The following FGD4 variants were observed in gnomAD, a reference collection of about 807,000 sequenced individuals.
FGD4 encodes FYVE, RhoGEF and PH domain containing 4, also known as FYVE, RhoGEF and PH domain-containing protein 4.
Under a neutral mutation model 102.0 loss-of-function variants are expected in FGD4, and 42 were observed. The ratio of observed to expected loss-of-function variants is 0.41; its 90% CI spans 0.32 to 0.53. The LOEUF (loss-of-function observed/expected upper bound fraction) is 0.53, where lower values mean the gene tolerates loss of function less well. FGD4 is among the 20% of genes least tolerant of loss of function. FGD4 has a pLI of 0.21. For missense variants in FGD4, 902 were observed against 1,078.2 expected (o/e 0.84, Z 2.29); for synonymous variants, 380 against 375.7 (o/e 1.01, Z -0.13).
chr12:32,514,662 C>G (rs1939715678), intron 1 of FGD4, among the ~76,000 whole-genome samples: 2 of 151,856 alleles, frequency 1.3e-5, no homozygotes, highest in South Asian at 4.2e-4. Flanking sequence ...CAAGTGTACA[C>G]CATCATGCCT....
intron 4 of FGD4, among the ~76,000 whole-genome samples, chr12:32,594,235 C>T (rs534409042): frequency 1.3e-5 from 2 of 152,256 alleles, no homozygotes; most frequent in South Asian, 4.1e-4. Context: ...CCATCACTCA[C>T]GTTACCATCT....
intron 2 of FGD4, among the ~76,000 whole-genome samples, chr12:32,573,959 A>C (rs1351042259): frequency 2.0e-5 from 3 of 152,204 alleles, no homozygotes; most frequent in African/African-American, 7.2e-5. Context: ...AGGAAAAAAA[A>C]CCTTTAAATT....
intron 1 of FGD4, among the ~76,000 whole-genome samples, chr12:32,482,121 A>G (rs1943784296): frequency 6.6e-6 from 1 of 152,244 alleles, no homozygotes; most frequent in Non-Finnish European, 1.5e-5. Flanking sequence ...ATTTTTTAAA[A>G]AAGTGCCGTG....
chr12:32,444,093 T>C lies in FGD4; in HGVS notation c.166+44134T>C, dbSNP rs1225832207. Among the ~76,000 whole-genome samples, 3 of 149,772 alleles carry C rather than the reference T, an allele frequency of 2.0e-5. No homozygotes were observed. The East Asian group carries it at 6.1e-4, about 30-fold the overall frequency. ...AAGCTGGAGTACAGTGGTGCCATCATGGCTCACTGCAGTCTCGACCTCCCA... is the reference window on the plus strand; with the variant it reads ...AAGCTGGAGTACAGTGGTGCCATCACGGCTCACTGCAGTCTCGACCTCCCA... On this transcript the variant is annotated intron_variant, in intron 1 of 16. Coordinates refer to ENST00000534526, the MANE Select transcript of FGD4 (RefSeq NM_001370298.3).
At chr12:32,477,090 C>T (rs1943601867) in intron 1 of FGD4, among the ~76,000 whole-genome samples, 1 of 152,172 alleles carries the variant, frequency 6.6e-6, no homozygotes, top group African/African-American at 2.4e-5. Flanking sequence ...GAGTTCAGGA[C>T]CATCCTGGCC....
chr12:32,557,674 A>AT (rs1306426156), intron 1 of FGD4, among the ~76,000 whole-genome samples: 1 of 152,218 alleles, frequency 6.6e-6, no homozygotes, highest in African/African-American at 2.4e-5. Context: ...AAAATTTATT[A>AT]TTCAGGTTTA....
intron 14 of FGD4, among the ~76,000 whole-genome samples, chr12:32,631,450 T>C (rs1950493760): frequency 6.6e-6 from 1 of 152,166 alleles, no homozygotes; most frequent in African/African-American, 2.4e-5. Flanking sequence ...CTCAGACTTA[T>C]TTTTGACTCA....
intron 1 of FGD4, among the ~76,000 whole-genome samples, chr12:32,561,445 T>C (rs775397561): frequency 6.6e-6 from 1 of 152,024 alleles, no homozygotes; most frequent in Admixed American, 6.5e-5. Context: ...ATTTTTTGGG[T>C]TTTTTTTACT....
intron 1 of FGD4, among the ~76,000 whole-genome samples, chr12:32,491,146 AAAAAC>A (rs950763620): frequency 2.6e-5 from 4 of 151,066 alleles, no homozygotes; most frequent in East Asian, 1.9e-4. Flanking sequence ...AAAAAAAAAA[AAAAAC>A]AAAAAACTAT....
chr12:32,486,498 T>C (rs1351587512), intron 1 of FGD4, among the ~76,000 whole-genome samples: 1 of 152,240 alleles, frequency 6.6e-6, no homozygotes, highest in Non-Finnish European at 1.5e-5. Flanking sequence ...TTTTTTATTA[T>C]AACCTCTTTC....
At position 32,556,004 on chromosome 12, in the gene FGD4, AT is replaced by A. The variant is rs879919901; in HGVS notation, c.167-8122del. 8.6e-3 allele frequency among the ~76,000 whole-genome samples: 1,270 copies of A among 148,092 alleles called. 24 individuals carry two copies. Among genetic ancestry groups the A allele is most frequent in the African/African-American group, 0.03 (1,203 of 40,632 alleles). ...AGGTGTGCACCACCATGCCCAGCTA[AT>A]TTTTTTTTTTACTTTTTGTAGAGAT... On this transcript the variant is annotated intron_variant, in intron 1 of 16. Transcript: ENST00000534526.
intron 1 of FGD4, among the ~76,000 whole-genome samples, chr12:32,480,118 T>G (rs1187517613): frequency 6.6e-6 from 1 of 151,772 alleles, no homozygotes; most frequent in African/African-American, 2.4e-5. Context: ...CAGCATATTC[T>G]GCTTATTTGC....
chr12:32,404,288 G>A (rs1363737918), intron 1 of FGD4, among the ~76,000 whole-genome samples: 1 of 150,988 alleles, frequency 6.6e-6, no homozygotes, highest in African/African-American at 2.4e-5. Context: ...CACCATGGCT[G>A]GAATGCTCAC....
chr12:32,571,008 C>T, intron 2 of FGD4, among the ~76,000 whole-genome samples: 1 of 152,184 alleles, frequency 6.6e-6, no homozygotes, highest in Non-Finnish European at 1.5e-5. Flanking sequence ...TGTGCAAGTA[C>T]AAAGTGCTTT....
At chr12:32,591,498 G>A (rs1217581099) in intron 4 of FGD4, among the ~76,000 whole-genome samples, 2 of 152,206 alleles carry the variant, frequency 1.3e-5, no homozygotes, top group East Asian at 3.8e-4. Flanking sequence ...AATCATAATT[G>A]TTTTTAGCAT....
intron 1 of FGD4, among the ~76,000 whole-genome samples, chr12:32,402,174 G>T (rs941949663): frequency 4.8e-5 from 7 of 146,116 alleles, no homozygotes; most frequent in African/African-American, 1.5e-4. Context: ...TGGCACGGGG[G>T]CTCACGCCTG....
intron 4 of FGD4, among the ~76,000 whole-genome samples, chr12:32,583,428 G>A (rs545320039): frequency 1.1e-4 from 16 of 152,130 alleles, no homozygotes; most frequent in Non-Finnish European, 1.8e-4. Context: ...TCAAGGTCAC[G>A]CTGTTTTTTG....
At chr12:32,481,472 C>G (rs1033398975) in intron 1 of FGD4, among the ~76,000 whole-genome samples, 3 of 152,082 alleles carry the variant, frequency 2.0e-5, no homozygotes, top group Non-Finnish European at 4.4e-5. Context: ...AAATAAAATG[C>G]TAAAAGATAT....
rs184032902 is a variant in FGD4 at position 32,528,947 on chromosome 12, T to A, written c.167-35190T>A. Among the ~76,000 whole-genome samples the A allele has an allele frequency of 7.9e-4, 120 of 152,310 alleles. 2 individuals carry two copies. Among genetic ancestry groups the A allele is most frequent in the African/African-American group, 2.6e-3 (110 of 41,566 alleles). On this transcript the variant is annotated intron_variant, in intron 1 of 16. Transcript: ENST00000534526. Reference sequence around the variant, plus strand: ...AAAGAGGTGATAGAAAACTTTTTTATTAATTATTTTTAATATAAATAGATG... The same window carrying A: ...AAAGAGGTGATAGAAAACTTTTTTAATAATTATTTTTAATATAAATAGATG...
Sources: gnomAD v4.1 joint callset for allele counts (sites outside exome capture counted in the v4.1 genomes callset) on GRCh38, gnomAD v4.1.1 for gene constraint, MANE v1.5 for transcripts, NCBI Gene and HGNC (gene_info 2026-07-23, HGNC 2026-07-21) for gene names.